The following NRXN3 variants were observed in gnomAD, a reference collection of about 807,000 sequenced individuals.
NRXN3 encodes neurexin III.
A neutral mutation model predicts 137.6 loss-of-function variants in NRXN3; 32 were observed. That is an observed-to-expected ratio of 0.23 (90% CI 0.18 to 0.31). The LOEUF is 0.31. NRXN3 is among the 10% of genes least tolerant of loss of function. NRXN3 has a pLI of 1.00. For missense variants in NRXN3, 1,574 were observed against 2,062.5 expected (o/e 0.76, Z 4.59); for synonymous variants, 798 against 784.5 (o/e 1.02, Z -0.29).
chr14:78,900,243 C>T (rs530894941), intron 10 of NRXN3, among the ~76,000 whole-genome samples: 1 of 151,868 alleles, frequency 6.6e-6, no homozygotes, highest in Admixed American at 6.6e-5. Flanking sequence ...AAACTGACAC[C>T]TAAAGAGGGC....
At chr14:78,836,902 G>T (rs1330714588) in intron 10 of NRXN3, among the ~76,000 whole-genome samples, 2 of 151,756 alleles carry the variant, frequency 1.3e-5, no homozygotes, top group Non-Finnish European at 2.9e-5. Flanking sequence ...CTGCAAGCCG[G>T]AGAAGATCCA....
At chr14:78,244,388 C>T (rs1296467156) in intron 2 of NRXN3, among the ~76,000 whole-genome samples, 2 of 151,616 alleles carry the variant, frequency 1.3e-5, no homozygotes, top group African/African-American at 2.4e-5. Flanking sequence ...TGAGAATGCA[C>T]CACTGCACTC....
chr14:79,460,108 G>C (rs962477432), intron 15 of NRXN3, among the ~76,000 whole-genome samples: 1 of 152,108 alleles, frequency 6.6e-6, no homozygotes, highest in African/African-American at 2.4e-5. Flanking sequence ...TCATCAGTGT[G>C]TCCAGAAACT....
chr14:78,313,621 A>G (rs1376078670), intron 4 of NRXN3, among the ~76,000 whole-genome samples: 1 of 152,206 alleles, frequency 6.6e-6, no homozygotes, highest in African/African-American at 2.4e-5. Flanking sequence ...CAGCAGAACC[A>G]AGATAAACTG....
intron 19 of NRXN3, among the ~76,000 whole-genome samples, chr14:79,722,355 C>A (rs886575826): frequency 6.6e-6 from 1 of 152,122 alleles, no homozygotes; most frequent in South Asian, 2.1e-4. Context: ...GATCCCATTG[C>A]CTGCAGGATA....
chr14:79,675,970 G>A (rs922399669), intron 17 of NRXN3, among the ~76,000 whole-genome samples: 7 of 152,000 alleles, frequency 4.6e-5, no homozygotes, highest in Admixed American at 2.0e-4. Context: ...ATTTCTCATA[G>A]CCCTTATGCA....
At chr14:78,893,302 A>T (rs932813789) in intron 10 of NRXN3, among the ~76,000 whole-genome samples, 44 of 152,000 alleles carry the variant, frequency 2.9e-4, no homozygotes, top group African/African-American at 1.0e-3. Context: ...TCCTTTAAAA[A>T]ATTCCTCCTC....
At chr14:79,766,348 G>A (rs907833892) in intron 19 of NRXN3, among the ~76,000 whole-genome samples, 6 of 152,110 alleles carry the variant, frequency 3.9e-5, no homozygotes, top group East Asian at 3.9e-4. Flanking sequence ...TGTGGCTAAC[G>A]ATTCATGCCA....
intron 4 of NRXN3, among the ~76,000 whole-genome samples, chr14:78,402,571 T>C (rs1473367009): frequency 2.0e-5 from 3 of 152,152 alleles, no homozygotes; most frequent in Admixed American, 6.5e-5. Flanking sequence ...ACATAAATGG[T>C]CACATATTTC....
chr14:79,714,686 T>C (rs2098817459), intron 19 of NRXN3, among the ~76,000 whole-genome samples: 1 of 152,160 alleles, frequency 6.6e-6, no homozygotes, highest in African/African-American at 2.4e-5. Flanking sequence ...ATGTCATTGA[T>C]AAAAAGGAAA....
chr14:79,629,784 G>A (rs2098324325), intron 16 of NRXN3, among the ~76,000 whole-genome samples: 1 of 151,910 alleles, frequency 6.6e-6, no homozygotes, highest in South Asian at 2.1e-4. Flanking sequence ...CGGTGATAAA[G>A]AACAGATATG....
At chr14:79,163,597 GT>G (rs1192682230) in intron 15 of NRXN3, among the ~76,000 whole-genome samples, 1 of 151,792 alleles carries the variant, frequency 6.6e-6, no homozygotes, top group Non-Finnish European at 1.5e-5. Context: ...GATATACTCT[GT>G]TTACCCCCAT....
chr14:79,086,496 G>T (rs1490842569), intron 15 of NRXN3, among the ~76,000 whole-genome samples: 1 of 152,058 alleles, frequency 6.6e-6, no homozygotes, highest in Non-Finnish European at 1.5e-5. Context: ...ATCCAATCTT[G>T]AATCCTTTCT....
At chr14:79,017,079 C>G (rs1038863340) in intron 15 of NRXN3, among the ~76,000 whole-genome samples, 5 of 152,118 alleles carry the variant, frequency 3.3e-5, no homozygotes, top group African/African-American at 4.8e-5. Flanking sequence ...AAAGCAATGT[C>G]AATTTCTGTC....
In NRXN3 at chr14:78,303,227, TACATATATTTCATTTCTTA is replaced by T. The variant is rs570133540; in HGVS notation, c.757+5368_757+5386del. Among the ~76,000 whole-genome samples the T allele has an allele frequency of 9.8e-5, 15 of 152,288 alleles. No individual in the cohort carries two copies. In the East Asian group the frequency reaches 1.4e-3, roughly 14 times the overall value. ...CCCCTTTTTTCTGCCCATTGAAAAA[TACATATATTTCATTTCTTA>T]TGTGATATTTTCCTTGAATGCTCCA... On this transcript the variant is annotated intron_variant, in intron 4 of 20. Coordinates refer to ENST00000335750, the MANE Select transcript of NRXN3 (RefSeq NM_001330195.2).
chr14:78,645,385 C>G lies in NRXN3; in HGVS notation c.1023C>G (p.Ala341=). The G allele has an allele frequency of 6.3e-7, 1 of 1,596,136 alleles. No homozygotes were observed. The highest frequency in any genetic ancestry group is 8.5e-7 in the Non-Finnish European group (1 of 1,177,662). Reference sequence around the variant, plus strand: ...TGAATGGAAAATTCAACGACAACGCCTGGCATGATGTCAAAGTGACACGCA... The same window carrying G: ...TGAATGGAAAATTCAACGACAACGCGTGGCATGATGTCAAAGTGACACGCA... ...EPVNGKFNDN[A]WHDVKVTRNL... The change falls in exon 5 of 21, where the codon GCC becomes GCG. Residue 341 remains alanine, a synonymous_variant. Transcript: ENST00000335750.
intron 10 of NRXN3, among the ~76,000 whole-genome samples, chr14:78,831,581 C>G (rs1183488114): frequency 7.0e-6 from 1 of 142,674 alleles, no homozygotes; most frequent in Non-Finnish European, 1.5e-5. Flanking sequence ...AACAATAGCA[C>G]TTTCACTCAT....
intron 17 of NRXN3, among the ~76,000 whole-genome samples, chr14:79,665,324 A>AG (rs1316194074): frequency 6.6e-6 from 1 of 152,128 alleles, no homozygotes; most frequent in Non-Finnish European, 1.5e-5. Context: ...AGCCATTGCT[A>AG]GGGGTCTCAG....
At chr14:78,553,263 G>A (rs2096709325) in intron 4 of NRXN3, among the ~76,000 whole-genome samples, 1 of 152,118 alleles carries the variant, frequency 6.6e-6, no homozygotes. Flanking sequence ...CAACCATACT[G>A]TATTGAGTAC....
Sources: gnomAD v4.1 joint callset for allele counts (sites outside exome capture counted in the v4.1 genomes callset) on GRCh38, gnomAD v4.1.1 for gene constraint, MANE v1.5 for transcripts, NCBI Gene and HGNC (gene_info 2026-07-23, HGNC 2026-07-21) for gene names.